Variants in CSMD1 observed in about 807,000 individuals in gnomAD.
CSMD1 encodes CUB and sushi domain-containing protein 1.
Under a neutral mutation model 417.5 loss-of-function variants are expected in CSMD1, and 213 were observed. That is an observed-to-expected ratio of 0.51 (90% CI 0.46 to 0.57). CSMD1 has a LOEUF of 0.57. CSMD1 is among the 20% of genes least tolerant of loss of function. The pLI is 0.00. For synonymous variants in CSMD1, 2,862 were observed against 1,736.8 expected (o/e 1.65, Z -16.11); for missense variants, 6,923 against 4,529.7 (o/e 1.53, Z -15.17).
At chr8:3,581,648 A>T (rs1323690415) in intron 9 of CSMD1, among the ~76,000 whole-genome samples, 1 of 152,226 alleles carries the variant, frequency 6.6e-6, no homozygotes, top group African/African-American at 2.4e-5. Flanking sequence ...GAATACCTTT[A>T]TGCTCAGAAT....
intron 5 of CSMD1, among the ~76,000 whole-genome samples, chr8:3,765,548 T>C (rs955890015): frequency 6.6e-6 from 1 of 152,222 alleles, no homozygotes; most frequent in African/African-American, 2.4e-5. Flanking sequence ...TAGTATTCTG[T>C]ATGCACTAAA....
intron 5 of CSMD1, among the ~76,000 whole-genome samples, chr8:3,993,448 C>T (rs983807119): frequency 1.3e-5 from 2 of 152,126 alleles, no homozygotes; most frequent in Non-Finnish European, 2.9e-5. Context: ...CCCATTCAAG[C>T]GTTCTTTGAA....
chr8:3,837,123 G>C (rs995763393), intron 5 of CSMD1, among the ~76,000 whole-genome samples: 1 of 147,278 alleles, frequency 6.8e-6, no homozygotes, highest in Non-Finnish European at 1.5e-5. Context: ...AGTATTAAAT[G>C]CAAAAATTGA....
intron 7 of CSMD1, among the ~76,000 whole-genome samples, chr8:3,697,347 C>T (rs1284208608): frequency 1.3e-5 from 2 of 152,132 alleles, no homozygotes; most frequent in African/African-American, 2.4e-5. Flanking sequence ...TAAAACCAGG[C>T]TTAAGAGATA....
At chr8:3,952,635 C>T (rs1156602725) in intron 5 of CSMD1, among the ~76,000 whole-genome samples, 1 of 152,128 alleles carries the variant, frequency 6.6e-6, no homozygotes. Context: ...ATGGGTAGAG[C>T]TGTTTTCCTG....
chr8:3,124,416 G>A lies in CSMD1; in HGVS notation c.6242-5829C>T, dbSNP rs543437938. Among the ~76,000 whole-genome samples, 12 of 152,278 alleles carry A rather than the reference G, an allele frequency of 7.9e-5. No individual in the cohort carries two copies. In the South Asian group the frequency reaches 2.1e-3, roughly 26 times the overall value. Reference sequence around the variant, plus strand: ...AACCTGGTTAAGGTTATGCAGTAGTGGTCAAAATTGTTTTGTTGAAGAAAT... The same window carrying A: ...AACCTGGTTAAGGTTATGCAGTAGTAGTCAAAATTGTTTTGTTGAAGAAAT... On this transcript the variant is annotated intron_variant, in intron 41 of 69. Transcript: ENST00000635120.
At chr8:4,374,801 G>A (rs1001841379) in intron 3 of CSMD1, among the ~76,000 whole-genome samples, 11 of 152,098 alleles carry the variant, frequency 7.2e-5, no homozygotes, top group African/African-American at 2.4e-4. Context: ...GCCCAGGAGA[G>A]GATGGCAGGA....
intron 5 of CSMD1, among the ~76,000 whole-genome samples, chr8:3,864,353 C>A (rs966087986): frequency 1.8e-5 from 2 of 112,542 alleles, no homozygotes; most frequent in Non-Finnish European, 3.4e-5. Context: ...GCATAGATAA[C>A]CACAGAAGGG....
chr8:3,019,221 T>G (rs2128969159), intron 51 of CSMD1, among the ~76,000 whole-genome samples: 1 of 152,254 alleles, frequency 6.6e-6, no homozygotes, highest in South Asian at 2.1e-4. Context: ...CCTCGACCCA[T>G]TAATGTTATT....
At chr8:4,517,817 G>T (rs553394438) in intron 2 of CSMD1, among the ~76,000 whole-genome samples, 4 of 152,276 alleles carry the variant, frequency 2.6e-5, no homozygotes, top group Non-Finnish European at 2.9e-5. Context: ...AAACATGATT[G>T]TCAAACATAT....
At chr8:4,744,347 A>G (rs771897364) in intron 1 of CSMD1, among the ~76,000 whole-genome samples, 3 of 152,120 alleles carry the variant, frequency 2.0e-5, no homozygotes, top group Non-Finnish European at 4.4e-5. Context: ...TGCTAGCCAC[A>G]ACTTCTTTCC....
intron 12 of CSMD1, among the ~76,000 whole-genome samples, chr8:3,437,778 T>C: frequency 6.6e-6 from 1 of 152,050 alleles, no homozygotes; most frequent in Admixed American, 6.6e-5. Flanking sequence ...TTCAGAGTCT[T>C]GCTCTGTTGC....
chr8:3,835,456 A>T (rs187002511), intron 5 of CSMD1, among the ~76,000 whole-genome samples: 9,757 of 151,978 alleles, frequency 0.064, 417 homozygotes, highest in Middle Eastern at 0.1. Flanking sequence ...TTCTCAGCAA[A>T]CTACCGCCAG....
intron 1 of CSMD1, among the ~76,000 whole-genome samples, chr8:4,695,109 G>C (rs1455110177): frequency 2.0e-5 from 3 of 147,354 alleles, no homozygotes; most frequent in Non-Finnish European, 4.5e-5. Flanking sequence ...TTAAGCCTGG[G>C]GTCTGAACTT....
At chr8:3,376,593 C>G (rs1435312569) in intron 18 of CSMD1, among the ~76,000 whole-genome samples, 1 of 151,830 alleles carries the variant, frequency 6.6e-6, no homozygotes, top group African/African-American at 2.4e-5. Context: ...TTAAAACTAT[C>G]TTTCTTTAAT....
At chr8:3,756,056 T>C (rs1481970187) in intron 5 of CSMD1, among the ~76,000 whole-genome samples, 1 of 151,974 alleles carries the variant, frequency 6.6e-6, no homozygotes, top group African/African-American at 2.4e-5. Flanking sequence ...AACTTACAGG[T>C]ACTTTAAAAA....
At chr8:4,005,491 G>C (rs146540279) in intron 4 of CSMD1, among the ~76,000 whole-genome samples, 2 of 152,228 alleles carry the variant, frequency 1.3e-5, no homozygotes, top group African/African-American at 4.8e-5. Flanking sequence ...ATTATCTCCA[G>C]TTTCAAATCA....
chr8:3,709,690 T>TG (rs1160376320), intron 6 of CSMD1, among the ~76,000 whole-genome samples: 6 of 118,554 alleles, frequency 5.1e-5, no homozygotes, highest in African/African-American at 1.8e-4. Flanking sequence ...GTTTTTTTTT[T>TG]TTTTTTTTTT....
In CSMD1 at chr8:4,376,344, T is replaced by A. The variant is rs536624893; in HGVS notation, c.415+43609A>T. On this transcript the variant is annotated intron_variant, in intron 3 of 69. Coordinates refer to ENST00000635120, the MANE Select transcript of CSMD1 (RefSeq NM_033225.6). ...TCAAGAAGAGAATAAAAGTTACCTA[T>A]AATCTCAACTCTTAGAAATACTTAC... is the stretch of plus-strand genomic sequence containing the variant. 5.4e-3 allele frequency among the ~76,000 whole-genome samples: 823 copies of A among 152,334 alleles called. 11 individuals are homozygous for A. Among genetic ancestry groups the A allele is most frequent in the African/African-American group, 0.019 (778 of 41,574 alleles).
Sources: allele counts gnomAD v4.1 joint callset (sites outside exome capture counted in the v4.1 genomes callset), GRCh38; gene constraint gnomAD v4.1.1; transcripts MANE v1.5; gene names NCBI Gene and HGNC (gene_info 2026-07-23, HGNC 2026-07-21).